The following SETD4 variants were observed in gnomAD, a reference collection of about 807,000 sequenced individuals.
SETD4 encodes SET domain containing 4, also known as SET domain-containing protein 4.
Under a neutral mutation model 58.3 loss-of-function variants are expected in SETD4, and 46 were observed. The observed-to-expected ratio is 0.79, with a 90% CI of 0.62 to 1.01. The LOEUF (loss-of-function observed/expected upper bound fraction) is 1.01, where lower values mean the gene tolerates loss of function less well. SETD4 is among the 50% of genes least tolerant of loss of function. The probability of loss-of-function intolerance (pLI) is 0.00; values close to 1 mark genes in which losing one functional copy is unlikely to be tolerated. For missense variants in SETD4, 490 were observed against 523.3 expected (o/e 0.94, Z 0.62); for synonymous variants, 190 against 202.6 (o/e 0.94, Z 0.53).
intron 4 of SETD4, among the ~76,000 whole-genome samples, chr21:36,049,070 G>A (rs1316551865): frequency 6.6e-6 from 1 of 152,194 alleles, no homozygotes; most frequent in Non-Finnish European, 1.5e-5. Context: ...AGAAAGGCCA[G>A]CATGCCCAAC....
chr21:36,042,853 C>T (rs2064128782), intron 7 of SETD4: 1 of 152,098 alleles, frequency 6.6e-6, no homozygotes, highest in South Asian at 2.1e-4. Flanking sequence ...CCTATAATAC[C>T]AACACTCTGG....
chr21:36,056,536 T>C (rs760828478), intron 3 of SETD4, among the ~76,000 whole-genome samples: 3 of 152,172 alleles, frequency 2.0e-5, no homozygotes, highest in Admixed American at 6.5e-5. Flanking sequence ...TGTGAGAGAA[T>C]GTTCCAGAAG....
rs1037558129 is a variant in SETD4, at chr21:36,034,804, A to G, written c.*1189T>C. On this transcript the variant is annotated 3_prime_UTR_variant, in exon 12 of 12. Transcript: ENST00000332131. ...GTCCAGAAAGCTTCAAATGGTTACTATCGGGCCCTCCACAGAAGTCTGCCC... is the reference window on the plus strand; with the variant it reads ...GTCCAGAAAGCTTCAAATGGTTACTGTCGGGCCCTCCACAGAAGTCTGCCC... 2 of 152,194 alleles carry G rather than the reference A, an allele frequency of 1.3e-5. No individual in the cohort carries two copies. The highest frequency in any genetic ancestry group is 4.8e-5 in the African/African-American group (2 of 41,436). 9.4% of individuals were successfully genotyped at this position (152,194 alleles called of 1,614,324 possible). A position where few individuals can be genotyped will look rare whatever the true frequency, so the allele number is the denominator to read the frequency against.
intron 4 of SETD4, among the ~76,000 whole-genome samples, chr21:36,049,205 A>T (rs1003531303): frequency 1.3e-5 from 2 of 152,226 alleles, no homozygotes; most frequent in African/African-American, 4.8e-5. Flanking sequence ...ACACTGCATG[A>T]AGAAGCCAGA....
Position 36,047,914 on chromosome 21 carries a change from G to C in SETD4, c.296+394C>G, listed in dbSNP as rs984418984. Reference sequence around the variant, plus strand: ...CCAGCTACTTGGGAGGCTGAGGCACGAGAATCACTTGAACCTGGGAGGCAG... The same window carrying C: ...CCAGCTACTTGGGAGGCTGAGGCACCAGAATCACTTGAACCTGGGAGGCAG... On this transcript the variant is annotated intron_variant, in intron 5 of 11. Coordinates refer to ENST00000332131, the MANE Select transcript of SETD4 (RefSeq NM_017438.5). 2.0e-5 allele frequency among the ~76,000 whole-genome samples: 3 copies of C among 151,646 alleles called. No homozygotes were observed. In the South Asian group the frequency reaches 6.3e-4, roughly 32 times the overall value.
At chr21:36,049,287 G>A (rs1309092941) in intron 4 of SETD4, among the ~76,000 whole-genome samples, 1 of 152,216 alleles carries the variant, frequency 6.6e-6, no homozygotes, top group Non-Finnish European at 1.5e-5. Flanking sequence ...AGGCGCGGTG[G>A]CTCATGCCTG....
Position 36,036,941 on chromosome 21 carries a change from T to G in SETD4, c.1189-690A>C, listed in dbSNP as rs2063808465. Reference sequence around the variant, plus strand: ...TAAGCCAGCACAGAATGACCAATATTGCATGATCTCACTATACATGGACTC... The same window carrying G: ...TAAGCCAGCACAGAATGACCAATATGGCATGATCTCACTATACATGGACTC... On this transcript the variant is annotated intron_variant, in intron 10 of 11. Transcript: ENST00000332131. Among the ~76,000 whole-genome samples, 3 of 152,224 alleles carry G rather than the reference T, an allele frequency of 2.0e-5. No individual in the cohort carries two copies. The South Asian group carries it at 6.2e-4, about 32-fold the overall frequency.
chr21:36,050,763 C>A (rs780328912), intron 4 of SETD4: 3 of 1,612,374 alleles, frequency 1.9e-6, no homozygotes, highest in Non-Finnish European at 1.7e-6. Context: ...TCTAAGCCAT[C>A]TTATTTGCCA....
rs924222377 is a variant in SETD4 at position 36,060,349 on chromosome 21, A to G, written c.-39T>C. On this transcript the variant is annotated splice_region_variant and 5_prime_UTR_variant, in exon 1 of 12. Transcript: ENST00000332131. ...ACCCGGAAGTCCTACTAGCTCACCT[A>G]GGCGCCGGCGGCCGCTTCCAAGATG... 5.9e-6 allele frequency: 1 copy of G among 168,392 alleles called. No homozygotes were observed. The highest frequency in any genetic ancestry group is 1.2e-5 in the Non-Finnish European group (1 of 82,746). 10.4% of individuals were successfully genotyped at this position (168,392 alleles called of 1,614,324 possible).
chr21:36,042,997 T>TC (rs2064136583), intron 7 of SETD4: 1 of 152,196 alleles, frequency 6.6e-6, no homozygotes, highest in Non-Finnish European at 1.5e-5. Context: ...GCACAGTGGC[T>TC]CACTCCTACA....
chr21:36,055,315 T>C lies in SETD4; in HGVS notation c.170-1695A>G, dbSNP rs114834311. Among the ~76,000 whole-genome samples, 1,104 of 152,352 alleles carry C rather than the reference T, an allele frequency of 7.2e-3. 17 individuals are homozygous for C. Among genetic ancestry groups the C allele is most frequent in the African/African-American group, 0.025 (1,050 of 41,570 alleles). ...CAAAAAACATATAGTAATCTACACT[T>C]ACTTTCATTTTCATATTGGATATAC... On this transcript the variant is annotated intron_variant, in intron 3 of 11. Transcript: ENST00000332131.
intron 4 of SETD4, among the ~76,000 whole-genome samples, chr21:36,052,154 C>G (rs886570654): frequency 1.3e-5 from 2 of 152,092 alleles, no homozygotes. Flanking sequence ...GAAAGATAAC[C>G]TGAATTCCCT....
chr21:36,039,514 T>C (rs759394309), intron 9 of SETD4, among the ~76,000 whole-genome samples: 1 of 151,996 alleles, frequency 6.6e-6, no homozygotes, highest in Non-Finnish European at 1.5e-5. Context: ...ACACACAAAA[T>C]AAAAGGTAAG....
At position 36,058,722 on chromosome 21, in the gene SETD4, A is replaced by G. The variant is rs1227760091; in HGVS notation, c.73+94T>C. 2.1e-6 allele frequency: 3 copies of G among 1,399,188 alleles called. No homozygotes were observed. In the African/African-American group the frequency reaches 4.4e-5, roughly 20 times the overall value. 86.7% of individuals were successfully genotyped at this position (1,399,188 alleles called of 1,614,324 possible). ...GACAGAGCGAGAATCCGTCTCAGAA[A>G]AAAGAAAGAAAGAAAGAAAAGCTAC... is the stretch of plus-strand genomic sequence containing the variant. On this transcript the variant is annotated intron_variant, in intron 2 of 11. Coordinates refer to ENST00000332131, the MANE Select transcript of SETD4 (RefSeq NM_017438.5).
intron 4 of SETD4, among the ~76,000 whole-genome samples, chr21:36,052,317 C>T (rs574971210): frequency 2.7e-5 from 4 of 150,234 alleles, no homozygotes; most frequent in East Asian, 2.0e-4. Flanking sequence ...GAGGCCAAGG[C>T]GGGCAGATCA....
chr21:36,041,851 C>T lies in SETD4; in HGVS notation c.939G>A (p.Gln313=). Residue 313 remains glutamine (Q), a synonymous_variant, in exon 8 of 12, where the codon CAG becomes CAA. Transcript: ENST00000332131. ...TTAAAATAGAAATCTTTTTGTCCATCTGTTTATCTGTTGATGGAAGATATT... is the reference window on the plus strand; with the variant it reads ...TTAAAATAGAAATCTTTTTGTCCATTTGTTTATCTGTTGATGGAAGATATT... ...LVKYLPSTDK[Q]MDKKISILKD... The T allele has an allele frequency of 6.8e-7, 1 of 1,478,698 alleles. No individual in the cohort carries two copies. The highest frequency in any genetic ancestry group is 9.2e-7 in the Non-Finnish European group (1 of 1,085,094). 91.6% of individuals were successfully genotyped at this position (1,478,698 alleles called of 1,614,324 possible).
At chr21:36,052,807 G>A (rs2064784015) in intron 4 of SETD4, 1 of 152,266 alleles carries the variant, frequency 6.6e-6, no homozygotes, top group South Asian at 2.1e-4. Flanking sequence ...TGTAGGTGAG[G>A]AAACAGGAGC....
intron 9 of SETD4, among the ~76,000 whole-genome samples, chr21:36,039,095 C>A (rs1198661268): frequency 6.6e-6 from 1 of 152,096 alleles, no homozygotes; most frequent in African/African-American, 2.4e-5. Flanking sequence ...TCTCAGAAGG[C>A]TTCAGTTTCA....
At chr21:36,042,041 G>A (rs1194926047) in intron 7 of SETD4, 153 bp from the exon 8 acceptor site, 1 of 513,256 alleles carries the variant, frequency 1.9e-6, no homozygotes, top group African/African-American at 1.9e-5. Context: ...TACTCTTCAA[G>A]TCCAATTCAG....
Sources: gnomAD v4.1 joint callset for allele counts (sites outside exome capture counted in the v4.1 genomes callset) on GRCh38, gnomAD v4.1.1 for gene constraint, MANE v1.5 for transcripts, NCBI Gene and HGNC (gene_info 2026-07-23, HGNC 2026-07-21) for gene names.